CCND3: variants seen among roughly 807,000 people sequenced by gnomAD.
CCND3 encodes cyclin D3, also known as G1/S-specific cyclin-D3.
In CCND3, 9 loss-of-function variants were observed where a neutral mutation model predicts 28.7. The ratio of observed to expected loss-of-function variants is 0.31; its 90% CI spans 0.19 to 0.55. CCND3 has a LOEUF of 0.55. CCND3 is among the 20% of genes least tolerant of loss of function. The probability of loss-of-function intolerance (pLI) is 0.93; values close to 1 mark genes in which losing one functional copy is unlikely to be tolerated. For missense variants in CCND3, 315 were observed against 385.8 expected (o/e 0.82, Z 1.54); for synonymous variants, 164 against 163.9 (o/e 1.00, Z 0.00).
intron 1 of CCND3, among the ~76,000 whole-genome samples, chr6:41,953,876 A>G (rs1347572195): frequency 6.6e-6 from 1 of 152,020 alleles, no homozygotes; most frequent in Non-Finnish European, 1.5e-5. Context: ...GAATGGAGGA[A>G]GACATGGCAC....
At chr6:41,984,234 T>G (rs977244576) in intron 1 of CCND3, among the ~76,000 whole-genome samples, 5 of 152,254 alleles carry the variant, frequency 3.3e-5, no homozygotes. Flanking sequence ...CAATTGGGAA[T>G]AACACTGCTA....
rs1455782118 is a variant in CCND3 at position 41,941,774 on chromosome 6, G to C, written c.-125C>G. The C allele has an allele frequency of 1.2e-5, 5 of 409,268 alleles. No homozygotes were observed. The African/African-American group carries it at 3.3e-4, about 27-fold the overall frequency. The allele number at this position is 409,268 out of a possible 1,614,324, so 25.4% of individuals were successfully genotyped here. On this transcript the variant is annotated 5_prime_UTR_variant, in exon 1 of 5. Coordinates refer to ENST00000372991, the MANE Select transcript of CCND3 (RefSeq NM_001760.5). This position sits in a 1 kb window ranked among gnomAD's most constrained non-coding sequence, Gnocchi z 6.1. The stretch of plus-strand genomic sequence containing the variant: ...GCACTGCGCGGCGGATCCCCAGCCC[G>C]CCCGCCGCCCGCGCGCGCGCGCCGC...
chr6:42,014,713 C>T (rs10948003), intron 1 of CCND3, among the ~76,000 whole-genome samples: 13,720 of 151,970 alleles, frequency 0.09, 652 homozygotes, highest in South Asian at 0.11. Context: ...GCCTGAGCCC[C>T]GAAGTTTGAG....
chr6:42,028,975 T>TC (rs201855274), intron 1 of CCND3, among the ~76,000 whole-genome samples: 2 of 150,946 alleles, frequency 1.3e-5, no homozygotes, highest in Non-Finnish European at 3.0e-5. Context: ...GAAACGGTTT[T>TC]TTTTTTTTTT....
At chr6:41,959,559 C>T (rs2127403530) in intron 1 of CCND3, among the ~76,000 whole-genome samples, 1 of 151,758 alleles carries the variant, frequency 6.6e-6, no homozygotes, top group East Asian at 2.0e-4. Flanking sequence ...TGGTGTGTGC[C>T]TGTAATCCCA....
intron 1 of CCND3, among the ~76,000 whole-genome samples, chr6:42,020,070 A>T (rs935697956): frequency 6.6e-6 from 1 of 152,174 alleles, no homozygotes; most frequent in Non-Finnish European, 1.5e-5. Flanking sequence ...CAAGGTCAGG[A>T]GATCGAGACC....
chr6:42,014,764 G>C (rs1763449911), intron 1 of CCND3, among the ~76,000 whole-genome samples: 2 of 152,142 alleles, frequency 1.3e-5, no homozygotes, highest in South Asian at 4.1e-4. Context: ...CTCCAGCTTG[G>C]GTGACAGACT....
chr6:42,025,557 C>T (rs147334717), intron 1 of CCND3, among the ~76,000 whole-genome samples: 101 of 152,316 alleles, frequency 6.6e-4, no homozygotes, highest in African/African-American at 2.2e-3. Flanking sequence ...TCAGATTCCA[C>T]GCCTGGTGTG....
chr6:41,948,581 G>GTAATCC (rs1382180407), intron 1 of CCND3, among the ~76,000 whole-genome samples: 6 of 152,208 alleles, frequency 3.9e-5, no homozygotes, highest in Middle Eastern at 3.4e-3. Flanking sequence ...GCTCACGCCT[G>GTAATCC]TAATCCCAGC....
intron 1 of CCND3, among the ~76,000 whole-genome samples, chr6:41,960,585 G>A (rs1434650671): frequency 6.6e-6 from 1 of 152,168 alleles, no homozygotes; most frequent in East Asian, 1.9e-4. Context: ...TTCCTCATCT[G>A]CAAAATAGGG....
At chr6:42,030,188 G>C (rs9357384) in intron 1 of CCND3, 1 of 152,326 alleles carries the variant, frequency 6.6e-6, no homozygotes, top group Non-Finnish European at 1.5e-5. Flanking sequence ...GCTCAGGTTG[G>C]AGCTGGTATG....
chr6:42,015,035 A>C (rs1044297134), intron 1 of CCND3, among the ~76,000 whole-genome samples: 1 of 152,216 alleles, frequency 6.6e-6, no homozygotes, highest in Non-Finnish European at 1.5e-5. Context: ...TAGCAAATAT[A>C]CATGTACATG....
chr6:41,989,280 G>A (rs931674789), intron 1 of CCND3, among the ~76,000 whole-genome samples: 6 of 151,032 alleles, frequency 4.0e-5, no homozygotes, highest in African/African-American at 1.5e-4. Context: ...CCAACATGGT[G>A]AAACCCCATC....
chr6:42,021,004 G>A (rs56144648), intron 1 of CCND3, among the ~76,000 whole-genome samples: 26,791 of 152,038 alleles, frequency 0.18, 3,032 homozygotes, highest in Middle Eastern at 0.29. Flanking sequence ...CGCGTGCCTC[G>A]GCTTCCCAAA....
chr6:42,023,231 C>T (rs1458270698), intron 1 of CCND3, among the ~76,000 whole-genome samples: 1 of 152,310 alleles, frequency 6.6e-6, no homozygotes, highest in East Asian at 1.9e-4. Context: ...GCCACCTTTT[C>T]TGCATTGCTG....
At position 41,964,473 on chromosome 6, in the gene CCND3, TGA is replaced by T. The variant is rs1222291519; in HGVS notation, c.-45-23890_-45-23889del. ...GTGAGTCTGTGTGTGAGTGTGTGTGTGAGTGTGTGTGAATGTGTGTGTGTGAG... is the reference window on the plus strand; with the variant it reads ...GTGAGTCTGTGTGTGAGTGTGTGTGTGTGTGTGTGAATGTGTGTGTGTGAG... On this transcript the variant is annotated intron_variant, in intron 1 of 4. Coordinates refer to the CCND3 transcript ENST00000372988. 7.7e-5 allele frequency among the ~76,000 whole-genome samples: 8 copies of T among 103,736 alleles called. No homozygotes were observed. In the South Asian group the frequency reaches 9.0e-4, roughly 12 times the overall value. 68.1% of individuals were successfully genotyped at this position (103,736 alleles called of 152,430 possible). A position where few individuals can be genotyped will look rare whatever the true frequency, so the allele number is the denominator to read the frequency against.
At chr6:42,012,013 T>TA (rs1226821784) in intron 1 of CCND3, among the ~76,000 whole-genome samples, 26 of 152,204 alleles carry the variant, frequency 1.7e-4, no homozygotes, top group Admixed American at 1.0e-3. Context: ...ATTGAGCCAC[T>TA]ATGCCCAGCT....
chr6:42,017,888 C>T (rs1442192831), intron 1 of CCND3, among the ~76,000 whole-genome samples: 2 of 152,108 alleles, frequency 1.3e-5, no homozygotes, highest in Middle Eastern at 3.2e-3. Flanking sequence ...TGGTGGCTCA[C>T]GCCTGTAATC....
At chr6:42,009,612 C>CAAA (rs1488263590) in intron 1 of CCND3, among the ~76,000 whole-genome samples, 7 of 104,340 alleles carry the variant, frequency 6.7e-5, no homozygotes, top group Non-Finnish European at 1.5e-4. Context: ...AACTCCGTTT[C>CAAA]AAAACAAAAA....
Sources: allele counts gnomAD v4.1 joint callset (sites outside exome capture counted in the v4.1 genomes callset), GRCh38; gene constraint gnomAD v4.1.1; non-coding constraint Gnocchi (gnomAD v3.1); transcripts MANE v1.5; gene names NCBI Gene and HGNC (gene_info 2026-07-23, HGNC 2026-07-21).